The following HAAO variants were observed in gnomAD, a reference collection of about 807,000 sequenced individuals.
HAAO encodes 3-hydroxyanthranilate oxygenase.
Under a neutral mutation model 46.2 loss-of-function variants are expected in HAAO, and 49 were observed. The ratio of observed to expected loss-of-function variants is 1.06; its 90% confidence interval spans 0.84 to 1.34. HAAO has a LOEUF of 1.34. HAAO is among the 40% of genes most tolerant of loss of function. HAAO has a pLI of 0.00. For synonymous variants in HAAO, 157 were observed against 145.2 expected (o/e 1.08, Z -0.58); for missense variants, 408 against 364.5 (o/e 1.12, Z -0.97).
chr2:42,788,455 G>T, intron 2 of HAAO, 74 bp downstream of exon 2: 2 of 927,610 alleles, frequency 2.2e-6, no homozygotes, highest in South Asian at 1.3e-5. Context: ...GGCCTCGAGT[G>T]GGAAGCGCCC....
chr2:42,773,003 T>C (rs1042634303), intron 4 of HAAO, among the ~76,000 whole-genome samples: 5 of 142,578 alleles, frequency 3.5e-5, no homozygotes, highest in African/African-American at 5.3e-5. Flanking sequence ...CCCTGAGCAA[T>C]AGGTTGCTTC....
Position 42,767,308 on chromosome 2 carries a change from T to C in HAAO, c.*129A>G. The stretch of plus-strand genomic sequence containing the variant: ...AGGGCAGGAGGGTGGGTGACAACAA[T>C]GTGCAGGTCTGTGGGGGACACAGCG... On this transcript the variant is annotated 3_prime_UTR_variant, in exon 10 of 10. Coordinates refer to ENST00000294973, the MANE Select transcript of HAAO (RefSeq NM_012205.3). 2 of 701,986 alleles carry C rather than the reference T, an allele frequency of 2.8e-6. No homozygotes were observed. The highest frequency in any genetic ancestry group is 2.7e-5 in the East Asian group (1 of 37,056). 43.5% of individuals were successfully genotyped at this position (701,986 alleles called of 1,614,324 possible).
chr2:42,783,101 G>A (rs1327591968), intron 4 of HAAO: 1 of 579,368 alleles, frequency 1.7e-6, no homozygotes, highest in Non-Finnish European at 3.1e-6. Flanking sequence ...GCTTCCAGGG[G>A]GTCACAGAGA....
chr2:42,787,236 T>C (rs1438139810), intron 2 of HAAO, among the ~76,000 whole-genome samples: 2 of 151,866 alleles, frequency 1.3e-5, no homozygotes, highest in African/African-American at 4.8e-5. Flanking sequence ...CACCTGAGCT[T>C]GGAGAAACCA....
intron 4 of HAAO, among the ~76,000 whole-genome samples, chr2:42,779,250 T>C (rs1030997488): frequency 1.3e-5 from 2 of 152,126 alleles, no homozygotes; most frequent in African/African-American, 2.4e-5. Context: ...CTCCTAAATA[T>C]AGGTTATGAA....
intron 4 of HAAO, 99 bp downstream of exon 4, chr2:42,783,215 C>A: frequency 1.4e-6 from 1 of 715,822 alleles, no homozygotes. Context: ...CCAGGACGTG[C>A]TTTCTTGAGT....
intron 4 of HAAO, among the ~76,000 whole-genome samples, chr2:42,778,331 G>C (rs1671743035): frequency 7.7e-6 from 1 of 130,090 alleles, no homozygotes; most frequent in Admixed American, 8.3e-5. Flanking sequence ...ACCAGGTCCT[G>C]CTAATTTTTT....
chr2:42,790,684 A>G (rs1157833190), intron 1 of HAAO, among the ~76,000 whole-genome samples: 1 of 152,024 alleles, frequency 6.6e-6, no homozygotes, highest in Non-Finnish European at 1.5e-5. Context: ...GGCGCGTGCC[A>G]CCACGCCCAG....
In HAAO at chr2:42,772,463, A is replaced by G. The variant is rs1558661678; in HGVS notation, c.351-1881T>C. On this transcript the variant is annotated intron_variant, in intron 4 of 9. Coordinates refer to ENST00000294973, the MANE Select transcript of HAAO (RefSeq NM_012205.3). ...ACCACTGCACTCCAGCCTGGGTGAC[A>G]GAGCAAGACTCCATCTCAAAAAAAA... Among the ~76,000 whole-genome samples the G allele has an allele frequency of 2.7e-5, 4 of 148,122 alleles. No homozygotes were observed. In the South Asian group the frequency reaches 8.7e-4, roughly 32 times the overall value.
At chr2:42,777,303 C>CAAAAAAA (rs1215772853) in intron 4 of HAAO, among the ~76,000 whole-genome samples, 9 of 40,142 alleles carry the variant, frequency 2.2e-4, no homozygotes, top group African/African-American at 2.8e-4. Flanking sequence ...ACTCTTATCG[C>CAAAAAAA]AAAAAAAAAA....
At chr2:42,791,487 A>C (rs1316287328) in intron 1 of HAAO, among the ~76,000 whole-genome samples, 2 of 143,512 alleles carry the variant, frequency 1.4e-5, no homozygotes, top group Non-Finnish European at 2.9e-5. Flanking sequence ...ACTGTTGGCC[A>C]TGTGGTATTG....
chr2:42,769,190 A>G (rs1670892085), intron 7 of HAAO, among the ~76,000 whole-genome samples: 3 of 152,156 alleles, frequency 2.0e-5, no homozygotes, highest in African/African-American at 4.8e-5. Flanking sequence ...CAAACTATAC[A>G]TTCTTTAAGG....
Position 42,770,375 on chromosome 2 carries a change from G to A in HAAO, c.440+118C>T, listed in dbSNP as rs1446560084. The stretch of plus-strand genomic sequence containing the variant: ...GCTGCTCCCCCCTCCCCCCGGCCTG[G>A]CAGTGGGCTCTCTGGGCCAGGATCT... On this transcript the variant is annotated intron_variant, in intron 5 of 9. Transcript: ENST00000294973. 5.4e-6 allele frequency: 5 copies of A among 921,030 alleles called. No individual in the cohort carries two copies. The African/African-American group carries it at 6.6e-5, about 12-fold the overall frequency. 57.1% of individuals were successfully genotyped at this position (921,030 alleles called of 1,614,324 possible).
At chr2:42,791,669 C>A (rs763513571) in intron 1 of HAAO, among the ~76,000 whole-genome samples, 1 of 152,152 alleles carries the variant, frequency 6.6e-6, no homozygotes, top group Non-Finnish European at 1.5e-5. Flanking sequence ...TGGCATAGTC[C>A]TGGGCCTGCT....
chr2:42,774,440 C>T (rs911622281), intron 4 of HAAO, among the ~76,000 whole-genome samples: 1 of 152,162 alleles, frequency 6.6e-6, no homozygotes, highest in Non-Finnish European at 1.5e-5. Context: ...CCCTGATCTC[C>T]CCAAATTTGG....
chr2:42,781,210 A>G lies in HAAO; in HGVS notation c.350+2104T>C, dbSNP rs543512609. On this transcript the variant is annotated intron_variant, in intron 4 of 9. Transcript: ENST00000294973. ...AACTTATGGCAATACAGTTATATGC[A>G]TAAGTGCAATAAGAATCTGTTTTCA... Among the ~76,000 whole-genome samples, 3 of 152,354 alleles carry G rather than the reference A, an allele frequency of 2.0e-5. No individual in the cohort carries two copies. In the East Asian group the frequency reaches 5.8e-4, roughly 29 times the overall value.
At chr2:42,782,764 A>C (rs1334006588) in intron 4 of HAAO, 2 of 337,262 alleles carry the variant, frequency 5.9e-6, no homozygotes, top group African/African-American at 4.4e-5. Context: ...TCTCTTATCT[A>C]CCTGTGACCT....
At position 42,767,947 on chromosome 2, in the gene HAAO, GA is replaced by G; in HGVS notation, c.631-20del. ...CGATCACCTGGTGGGAGGTGAAACA[GA>G]AACTTCTGGTGCTTCTTGCCCCACA... On this transcript the variant is annotated intron_variant, in intron 7 of 9. Coordinates refer to ENST00000294973, the MANE Select transcript of HAAO (RefSeq NM_012205.3). 1 of 1,610,098 alleles carries G rather than the reference GA, an allele frequency of 6.2e-7. No homozygotes were observed.
rs1670735430 is a variant in HAAO at position 42,767,326 on chromosome 2, A to G, written c.*111T>C. The G allele has an allele frequency of 2.6e-6, 2 of 755,412 alleles. No individual in the cohort carries two copies. The highest frequency in any genetic ancestry group is 1.5e-5 in the South Asian group (1 of 67,024). 46.8% of individuals were successfully genotyped at this position (755,412 alleles called of 1,614,324 possible). A position where few individuals can be genotyped will look rare whatever the true frequency, so the allele number is the denominator to read the frequency against. ...ACAACAATGTGCAGGTCTGTGGGGG[A>G]CACAGCGGCAGTACACAGAGAGGTA... On this transcript the variant is annotated 3_prime_UTR_variant, in exon 10 of 10. Transcript: ENST00000294973.
Sources: allele counts gnomAD v4.1 joint callset (sites outside exome capture counted in the v4.1 genomes callset), GRCh38; gene constraint gnomAD v4.1.1; transcripts MANE v1.5; gene names NCBI Gene and HGNC (gene_info 2026-07-23, HGNC 2026-07-21).